Variants in F11R observed in about 807,000 individuals in gnomAD.
F11R encodes F11 receptor.
In F11R, 27 loss-of-function variants were observed where a neutral mutation model predicts 39.3. The ratio of observed to expected loss-of-function variants is 0.69; its 90% CI spans 0.51 to 0.95. The LOEUF is 0.95. F11R is among the 40% of genes least tolerant of loss of function. The probability of loss-of-function intolerance (pLI) is 0.00; values close to 1 mark genes in which losing one functional copy is unlikely to be tolerated. For synonymous variants in F11R, 131 were observed against 144.9 expected (o/e 0.90, Z 0.69); for missense variants, 335 against 372.7 (o/e 0.90, Z 0.83).
At chr1:161,003,925 C>G (rs528255962) in intron 1 of F11R, among the ~76,000 whole-genome samples, 14 of 151,594 alleles carry the variant, frequency 9.2e-5, no homozygotes, top group Admixed American at 9.2e-4. Context: ...CCACCATGCC[C>G]GGCTAATTTT....
At chr1:161,000,871 T>G in intron 3 of F11R, 94 bp from the exon 4 acceptor site, 1 of 1,535,530 alleles carries the variant, frequency 6.5e-7, no homozygotes. Context: ...AGTGCTCTCC[T>G]CTTCCCCCAG....
intron 1 of F11R, among the ~76,000 whole-genome samples, chr1:161,006,816 A>T (rs1648843253): frequency 6.6e-6 from 1 of 152,190 alleles, no homozygotes; most frequent in South Asian, 2.1e-4. Flanking sequence ...ATCCTGGTCC[A>T]CATTCCCCTT....
intron 1 of F11R, among the ~76,000 whole-genome samples, chr1:161,010,621 C>A (rs892672462): frequency 1.3e-5 from 2 of 152,034 alleles, no homozygotes; most frequent in African/African-American, 2.4e-5. Flanking sequence ...ATCTCTTATA[C>A]CTTTCCTCAG....
In F11R at chr1:161,001,267, T is replaced by C. The variant is rs562315305; in HGVS notation, c.133+18A>G. ...CAACTGCTCACCCTCACACCCTCCA[T>C]GGCCCCTCCCAACTCACGATTATTC... On this transcript the variant is annotated intron_variant, in intron 2 of 9. Coordinates refer to ENST00000368026, the MANE Select transcript of F11R (RefSeq NM_016946.6). 8.7e-6 allele frequency: 14 copies of C among 1,613,290 alleles called. No individual in the cohort carries two copies. Among genetic ancestry groups the C allele is most frequent in the Admixed American group, 5.0e-5 (3 of 59,978 alleles).
At chr1:161,000,110 T>C (rs751564098) in intron 5 of F11R, 36 bp downstream of exon 5, 20 of 1,609,020 alleles carry the variant, frequency 1.2e-5, no homozygotes, top group Non-Finnish European at 1.6e-5. Context: ...TATAACTGCA[T>C]CCCCCACACA....
At position 160,998,921 on chromosome 1, in the gene F11R, C is replaced by T. The variant is rs998262701; in HGVS notation, c.865-15G>A. 4.3e-6 allele frequency: 7 copies of T among 1,614,162 alleles called. No individual in the cohort carries two copies. Among genetic ancestry groups the T allele is most frequent in the Non-Finnish European group, 5.9e-6 (7 of 1,179,982 alleles). ...TTGAATTCTCCCTGCAGAAATAAAA[C>T]ATCCAGTCAACTCTCAATAGTCTTC... On this transcript the variant is annotated splice_polypyrimidine_tract_variant and intron_variant, in intron 9 of 9. Transcript: ENST00000368026.
rs563047861 is a variant in F11R, at chr1:160,998,748, AG to A, written c.*122del. On this transcript the variant is annotated 3_prime_UTR_variant, in exon 10 of 10. Transcript: ENST00000368026. The stretch of plus-strand genomic sequence containing the variant: ...TTATTAAAAACACATCCGAAGAAGT[AG>A]GGGGCCCTGTGGGGTGTAGAAGACA... The A allele has an allele frequency of 2.9e-4, 254 of 877,896 alleles. 1 individual carries two copies. In the African/African-American group the frequency reaches 3.7e-3, roughly 13 times the overall value. 54.4% of individuals were successfully genotyped at this position (877,896 alleles called of 1,614,324 possible). A position where few individuals can be genotyped will look rare whatever the true frequency, so the allele number is the denominator to read the frequency against.
In F11R at chr1:161,021,110, C is replaced by G. The variant is rs377531733; in HGVS notation, c.-37G>C. The G allele has an allele frequency of 3.2e-6, 5 of 1,585,366 alleles. No individual in the cohort carries two copies. In the South Asian group the frequency reaches 5.5e-5, roughly 18 times the overall value. ...TCCCGACACAACAGCCGCCGAAGGA[C>G]TCCTGGGAACAGACACAGCTCCGCG... On this transcript the variant is annotated 5_prime_UTR_variant, in exon 1 of 10. Coordinates refer to ENST00000368026, the MANE Select transcript of F11R (RefSeq NM_016946.6).
intron 1 of F11R, among the ~76,000 whole-genome samples, chr1:161,017,017 T>C (rs1482381458): frequency 6.6e-6 from 1 of 152,214 alleles, no homozygotes; most frequent in African/African-American, 2.4e-5. Flanking sequence ...CAGGGTTAAA[T>C]GGATTAAGGG....
chr1:161,012,997 T>C (rs1051040327), intron 1 of F11R, among the ~76,000 whole-genome samples: 7 of 152,282 alleles, frequency 4.6e-5, no homozygotes, highest in Non-Finnish European at 7.4e-5. Context: ...ATGAATTACA[T>C]GTCGTCGGGG....
intron 1 of F11R, among the ~76,000 whole-genome samples, chr1:161,020,029 T>A (rs1649671376): frequency 6.6e-6 from 1 of 152,130 alleles, no homozygotes. Context: ...GAGACTCATG[T>A]AGAACACATA....
chr1:161,004,193 G>T (rs1034642349), intron 1 of F11R, among the ~76,000 whole-genome samples: 7 of 151,990 alleles, frequency 4.6e-5, no homozygotes, highest in African/African-American at 1.7e-4. Context: ...CAGTTCTCCT[G>T]CCTTGGCCTC....
chr1:161,010,334 C>A (rs1649067335), intron 1 of F11R, among the ~76,000 whole-genome samples: 1 of 149,634 alleles, frequency 6.7e-6, no homozygotes, highest in African/African-American at 2.5e-5. Context: ...ATCCCAGCGA[C>A]TCAGGAGGCT....
intron 1 of F11R, among the ~76,000 whole-genome samples, chr1:161,016,994 G>C (rs1034151486): frequency 1.5e-4 from 23 of 152,198 alleles, no homozygotes; most frequent in African/African-American, 4.8e-4. Context: ...TGAAACATGT[G>C]CTGTGTCAAA....
intron 1 of F11R, among the ~76,000 whole-genome samples, chr1:161,016,176 A>T (rs975843132): frequency 6.6e-6 from 1 of 152,068 alleles, no homozygotes; most frequent in Non-Finnish European, 1.5e-5. Context: ...CGTCTCTACT[A>T]AAAATACAAA....
At chr1:161,020,479 A>G (rs1649698532) in intron 1 of F11R, among the ~76,000 whole-genome samples, 1 of 152,338 alleles carries the variant, frequency 6.6e-6, no homozygotes, top group African/African-American at 2.4e-5. Flanking sequence ...AACCGCCGCA[A>G]TTCAAAGATT....
intron 4 of F11R, 127 bp downstream of exon 4, chr1:161,000,503 TG>T: frequency 6.9e-7 from 1 of 1,455,774 alleles, no homozygotes; most frequent in Non-Finnish European, 9.5e-7. Flanking sequence ...TCTCCCTCTC[TG>T]GCAGCTCCAG....
At chr1:161,006,031 G>A (rs1648784283) in intron 1 of F11R, among the ~76,000 whole-genome samples, 1 of 151,980 alleles carries the variant, frequency 6.6e-6, no homozygotes, top group Non-Finnish European at 1.5e-5. Flanking sequence ...CCAACTACTT[G>A]GGAGGCTGAG....
rs762580594 is a variant in F11R at position 161,000,686 on chromosome 1, G to T, written c.333C>A (p.Val111=). The T allele has an allele frequency of 1.2e-6, 2 of 1,614,056 alleles. No homozygotes were observed. Among genetic ancestry groups the T allele is most frequent in the African/African-American group, 2.7e-5 (2 of 74,908 alleles). The change falls in exon 4 of 10, where the codon GTC becomes GTA. Residue 111 remains valine, a synonymous_variant. Coordinates refer to ENST00000368026, the MANE Select transcript of F11R (RefSeq NM_016946.6). ...REDTGTYTCM[V]SEEGGNSYGE... ...CATAGCTGTTGCCGCCTTCCTCAGAGACCATACAAGTGTATGTCCCAGTGT... is the reference window on the plus strand; with the variant it reads ...CATAGCTGTTGCCGCCTTCCTCAGATACCATACAAGTGTATGTCCCAGTGT...
Sources: allele counts gnomAD v4.1 joint callset (sites outside exome capture counted in the v4.1 genomes callset), GRCh38; gene constraint gnomAD v4.1.1; transcripts MANE v1.5; gene names NCBI Gene and HGNC (gene_info 2026-07-23, HGNC 2026-07-21).